Variants in HSD17B14 observed in about 807,000 individuals in gnomAD.
HSD17B14 encodes the protein L-fucose dehydrogenase.
HSD17B14 carries 32 observed loss-of-function variants against 32.2 expected under a neutral mutation model. That is an observed-to-expected ratio of 0.99 (90% CI 0.75 to 1.33). The LOEUF (loss-of-function observed/expected upper bound fraction) is 1.33, where lower values mean the gene tolerates loss of function less well. Among genes scored for constraint, HSD17B14 ranks in the 40% most tolerant of loss-of-function variants. The pLI is 0.00. For synonymous variants in HSD17B14, 140 were observed against 155.4 expected (o/e 0.90, Z 0.74); for missense variants, 370 against 366.5 (o/e 1.01, Z -0.08).
In HSD17B14 at chr19:48,815,138, C is replaced by T. The variant is rs758469349; in HGVS notation, c.373G>A (p.Ala125Thr). 1.4e-5 allele frequency: 23 copies of T among 1,613,116 alleles called. No individual in the cohort carries two copies. Among genetic ancestry groups the T allele is most frequent in the South Asian group, 3.3e-5 (3 of 91,062 alleles). Reference sequence around the variant, plus strand: ...TGACTCTTCCGCAGGTAGGGGAGGGCGAGCTAGGGAGACAAGAGGCCAAGT... The same window carrying T: ...TGACTCTTCCGCAGGTAGGGGAGGGTGAGCTAGGGAGACAAGAGGCCAAGT... Reference protein sequence around the residue: ...LLGTYTLTKLALPYLRKSQGN... With the variant: ...LLGTYTLTKLTLPYLRKSQGN... Residue 125 changes from alanine (A) to threonine (T), a missense_variant, in exon 6 of 9, where the codon GCC becomes ACC. Physicochemically the swap from Ala to Thr is moderately conservative, Grantham distance 58. Coordinates refer to ENST00000263278, the MANE Select transcript of HSD17B14 (RefSeq NM_016246.3).
intron 6 of HSD17B14, among the ~76,000 whole-genome samples, chr19:48,814,535 A>G (rs1490195861): frequency 6.7e-6 from 1 of 148,904 alleles, no homozygotes; most frequent in Non-Finnish European, 1.5e-5. Context: ...AAAAAAAGAA[A>G]GAAAGAAAAG....
chr19:48,817,486 AT>A (rs2035077039), intron 5 of HSD17B14, among the ~76,000 whole-genome samples: 1 of 152,034 alleles, frequency 6.6e-6, no homozygotes, highest in Non-Finnish European at 1.5e-5. Flanking sequence ...GCCCCAAAAA[AT>A]AAAATAATAA....
In HSD17B14 at chr19:48,832,776, G is replaced by A. The variant is rs372759566; in HGVS notation, c.211-44C>T. 33 of 1,464,882 alleles carry A rather than the reference G, an allele frequency of 2.3e-5. 2 individuals carry two copies. Among genetic ancestry groups the A allele is most frequent in the South Asian group, 1.3e-4 (11 of 84,352 alleles). The allele number at this position is 1,464,882 out of a possible 1,614,324, so 90.7% of individuals were successfully genotyped here. A position where few individuals can be genotyped will look rare whatever the true frequency, so the allele number is the denominator to read the frequency against. On this transcript the variant is annotated intron_variant, in intron 3 of 8. Coordinates refer to ENST00000263278, the MANE Select transcript of HSD17B14 (RefSeq NM_016246.3). ...TCCTTTGTTTTTTTTTTTTGGAGAC[G>A]GTGTCTCCCTCTTGTCACTCAGGCT...
Position 48,832,667 on chromosome 19 carries a change from G to A in HSD17B14, c.276C>T (p.His92=). The change falls in exon 4 of 9, where the codon CAC becomes CAT. Residue 92 remains histidine, a splice_region_variant and synonymous_variant. Transcript: ENST00000263278. ...RLDCVVNNAG[H]HPPPQRPEET... Reference sequence around the variant, plus strand: ...TGGCCCTGGGGTCTCACAACTCACGGTGGCCAGCGTTGTTGACAACACAAT... The same window carrying A: ...TGGCCCTGGGGTCTCACAACTCACGATGGCCAGCGTTGTTGACAACACAAT... 2.5e-6 allele frequency: 4 copies of A among 1,613,098 alleles called. No individual in the cohort carries two copies. Among genetic ancestry groups the A allele is most frequent in the Non-Finnish European group, 2.5e-6 (3 of 1,179,656 alleles).
chr19:48,813,364 G>A lies in HSD17B14; in HGVS notation c.640-16C>T, dbSNP rs770827145. The A allele has an allele frequency of 2.6e-5, 41 of 1,562,006 alleles. No homozygotes were observed. The highest frequency in any genetic ancestry group is 3.4e-5 in the Non-Finnish European group (39 of 1,152,404). On this transcript the variant is annotated splice_polypyrimidine_tract_variant and intron_variant, in intron 8 of 8. Coordinates refer to ENST00000263278, the MANE Select transcript of HSD17B14 (RefSeq NM_016246.3). ...GGCCCAGTGGCTGGGGAGAAAAGAG[G>A]GGGGAAGGAGGTCAAGAGGAGCCCC...
intron 5 of HSD17B14, 21 bp downstream of exon 5, chr19:48,831,647 G>A (rs1400656495): frequency 4.4e-6 from 7 of 1,586,662 alleles, no homozygotes; most frequent in South Asian, 2.2e-5. Flanking sequence ...CGGGCCTGGC[G>A]GCAGGGTCGC....
At chr19:48,815,852 T>A (rs181902277) in intron 5 of HSD17B14, among the ~76,000 whole-genome samples, 13 of 151,678 alleles carry the variant, frequency 8.6e-5, no homozygotes, top group Admixed American at 8.5e-4. Flanking sequence ...TGAAACCCCA[T>A]CTCTACTAAA....
chr19:48,819,555 G>A (rs2035112025), intron 5 of HSD17B14, among the ~76,000 whole-genome samples: 1 of 152,048 alleles, frequency 6.6e-6, no homozygotes, highest in Non-Finnish European at 1.5e-5. Flanking sequence ...GGGCCCAGCT[G>A]GCAGCAGCAC....
chr19:48,829,468 C>T (rs1179874622), intron 5 of HSD17B14, among the ~76,000 whole-genome samples: 1 of 151,868 alleles, frequency 6.6e-6, no homozygotes, highest in Admixed American at 6.6e-5. Context: ...TCTACCGCCT[C>T]AGCCTCTTGA....
chr19:48,835,828 C>G lies in HSD17B14; in HGVS notation c.104G>C (p.Arg35Pro), dbSNP rs1568527437. 2 of 1,613,474 alleles carry G rather than the reference C, an allele frequency of 1.2e-6. No homozygotes were observed. The highest frequency in any genetic ancestry group is 1.6e-4 in the Middle Eastern group (1 of 6,080). The change falls in exon 2 of 9, where the codon CGA becomes CCA. Residue 35 changes from arginine to proline, a missense_variant. Physicochemically the swap from Arg to Pro is moderately radical, Grantham distance 103. Transcript: ENST00000263278. ...IVRAFVNSGARVVICDKDESG... is the reference protein window; with the variant it reads ...IVRAFVNSGAPVVICDKDESG... ...ACCATCCTTGTCGCAGATAACCACTCGGGCCCCGCTGTTCACTGAGAATAG... is the reference window on the plus strand; with the variant it reads ...ACCATCCTTGTCGCAGATAACCACTGGGGCCCCGCTGTTCACTGAGAATAG...
At chr19:48,830,568 T>A (rs2035320751) in intron 5 of HSD17B14, among the ~76,000 whole-genome samples, 1 of 152,094 alleles carries the variant, frequency 6.6e-6, no homozygotes, top group Non-Finnish European at 1.5e-5. Context: ...TGCCGGCTAA[T>A]AAAGGACTCC....
At chr19:48,814,840 A>G (rs1313448358) in intron 6 of HSD17B14, among the ~76,000 whole-genome samples, 197 bp downstream of exon 6, 16 of 101,162 alleles carry the variant, frequency 1.6e-4, no homozygotes, top group Admixed American at 1.5e-3. Flanking sequence ...CTCCATCTTT[A>G]AAAAAAAAAA....
intron 5 of HSD17B14, among the ~76,000 whole-genome samples, chr19:48,821,356 C>T (rs2035145971): frequency 6.6e-6 from 1 of 152,186 alleles, no homozygotes; most frequent in African/African-American, 2.4e-5. Context: ...CTCTGAGAGA[C>T]TACAACTGAA....
chr19:48,815,173 A>G (rs1217044923), intron 5 of HSD17B14, 32 bp from the exon 6 acceptor site: 1 of 1,528,044 alleles, frequency 6.5e-7, no homozygotes, highest in Middle Eastern at 1.7e-4. Flanking sequence ...TAAGCTACAC[A>G]AGCCCTGCAT....
Position 48,835,702 on chromosome 19 carries a change from G to A in HSD17B14, c.127+103C>T, listed in dbSNP as rs1032046851. 9 of 1,166,422 alleles carry A rather than the reference G, an allele frequency of 7.7e-6. No individual in the cohort carries two copies. The African/African-American group carries it at 9.2e-5, about 12-fold the overall frequency. The allele number at this position is 1,166,422 out of a possible 1,614,324, so 72.3% of individuals were successfully genotyped here. A position where few individuals can be genotyped will look rare whatever the true frequency, so the allele number is the denominator to read the frequency against. ...TCCTGGGTCTGAGGAAGTAGGGCCT[G>A]GGGGCCTGGACTCCGGGGTCTGAGG... On this transcript the variant is annotated intron_variant, in intron 2 of 8. Transcript: ENST00000263278.
intron 5 of HSD17B14, among the ~76,000 whole-genome samples, chr19:48,816,810 T>TCTTTCTTTCTTTCTTC (rs1491402135): frequency 3.5e-5 from 3 of 86,316 alleles, no homozygotes; most frequent in Non-Finnish European, 2.4e-5. Context: ...TTTCTTTCTT[T>TCTTTCTTTCTTTCTTC]CTTTCTTTCT....
intron 5 of HSD17B14, among the ~76,000 whole-genome samples, chr19:48,817,258 A>ACCT (rs1370698093): frequency 6.7e-6 from 1 of 149,656 alleles, no homozygotes; most frequent in Non-Finnish European, 1.5e-5. Context: ...GCTCACTGCA[A>ACCT]CCTCCTCCCC....
intron 5 of HSD17B14, among the ~76,000 whole-genome samples, chr19:48,820,151 G>A (rs998456212): frequency 7.9e-5 from 12 of 151,302 alleles, no homozygotes; most frequent in Admixed American, 4.6e-4. Context: ...AGCAAGACCC[G>A]ATCTCTAACA....
In HSD17B14 at chr19:48,835,795, C is replaced by A. The variant is rs200803544; in HGVS notation, c.127+10G>T. 1 of 1,613,394 alleles carries A rather than the reference C, an allele frequency of 6.2e-7. No homozygotes were observed. Among genetic ancestry groups the A allele is most frequent in the South Asian group, 1.1e-5 (1 of 91,084 alleles). On this transcript the variant is annotated intron_variant, in intron 2 of 8. Transcript: ENST00000263278. ...AGGGCCAAGGTGAGGGCTGAGGGAC[C>A]GTCACTCACCATCCTTGTCGCAGAT...
Sources: allele counts gnomAD v4.1 joint callset (sites outside exome capture counted in the v4.1 genomes callset), GRCh38; gene constraint gnomAD v4.1.1; transcripts MANE v1.5; gene names NCBI Gene and HGNC (gene_info 2026-07-23, HGNC 2026-07-21).